The following NAALADL2 variants were observed in gnomAD, a reference collection of about 807,000 sequenced individuals.
The protein encoded by NAALADL2 is inactive N-acetylated-alpha-linked acidic dipeptidase-like protein 2.
NAALADL2 carries 76 observed loss-of-function variants against 87.2 expected under a neutral mutation model. The ratio of observed to expected loss-of-function variants is 0.87; its 90% CI spans 0.72 to 1.05. NAALADL2 has a LOEUF of 1.05. NAALADL2 is among the 50% of genes least tolerant of loss of function. The pLI, the probability that NAALADL2 is intolerant of heterozygous loss-of-function variation, is 0.00. For synonymous variants in NAALADL2, 354 were observed against 331.0 expected (o/e 1.07, Z -0.75); for missense variants, 1,089 against 945.8 (o/e 1.15, Z -1.99).
intron 9 of NAALADL2, among the ~76,000 whole-genome samples, chr3:175,528,935 G>T (rs1454342094): frequency 6.6e-6 from 1 of 152,166 alleles, no homozygotes; most frequent in Non-Finnish European, 1.5e-5. Flanking sequence ...TAGTATTGAT[G>T]ACTACCTTCT....
intron 1 of NAALADL2, among the ~76,000 whole-genome samples, chr3:174,478,213 T>A (rs1717333417): frequency 6.6e-6 from 1 of 152,166 alleles, no homozygotes; most frequent in Admixed American, 6.6e-5. Context: ...CATATTTTGG[T>A]TGTATCTTCT....
intron 3 of NAALADL2, among the ~76,000 whole-genome samples, chr3:174,791,667 T>C (rs1717466240): frequency 6.6e-6 from 1 of 152,194 alleles, no homozygotes; most frequent in Non-Finnish European, 1.5e-5. Context: ...AATACTGTAT[T>C]AGGGTTTAGG....
intron 2 of NAALADL2, among the ~76,000 whole-genome samples, chr3:175,106,522 A>G (rs1473221509): frequency 6.6e-6 from 1 of 152,102 alleles, no homozygotes; most frequent in Admixed American, 6.6e-5. Context: ...AGGATCAGTC[A>G]GTTGTAGTAC....
chr3:174,512,809 A>G (rs896467093), intron 1 of NAALADL2, among the ~76,000 whole-genome samples: 1 of 151,968 alleles, frequency 6.6e-6, no homozygotes, highest in Non-Finnish European at 1.5e-5. Context: ...GTTCTTGTTC[A>G]TTGCCTGAAA....
intron 1 of NAALADL2, among the ~76,000 whole-genome samples, chr3:174,462,962 G>A (rs1331278562): frequency 1.3e-5 from 2 of 152,200 alleles, no homozygotes; most frequent in Non-Finnish European, 2.9e-5. Context: ...TGAGCAGTCT[G>A]TATATCTCTG....
intron 9 of NAALADL2, among the ~76,000 whole-genome samples, chr3:175,553,018 C>T (rs973262029): frequency 3.3e-5 from 5 of 151,998 alleles, no homozygotes; most frequent in African/African-American, 1.2e-4. Context: ...TTTAGATTTA[C>T]CCTTTACTTT....
chr3:175,466,588 C>T (rs777908252), intron 7 of NAALADL2, among the ~76,000 whole-genome samples: 38 of 152,032 alleles, frequency 2.5e-4, no homozygotes, highest in African/African-American at 8.0e-4. Context: ...ATATTTAAAG[C>T]GCCTTCTTAA....
chr3:175,337,521 G>A (rs1031975714), intron 5 of NAALADL2, among the ~76,000 whole-genome samples: 14 of 152,176 alleles, frequency 9.2e-5, no homozygotes, highest in Admixed American at 7.2e-4. Context: ...AGACTTGGGG[G>A]GGCCATGTGA....
intron 4 of NAALADL2, among the ~76,000 whole-genome samples, chr3:175,306,651 C>A (rs1226339252): frequency 1.3e-5 from 2 of 152,030 alleles, no homozygotes; most frequent in Non-Finnish European, 2.9e-5. Flanking sequence ...CATGGTGAAA[C>A]CCCATCTTTG....
At chr3:174,737,798 C>CT (rs1220746577) in intron 3 of NAALADL2, 3 of 152,140 alleles carry the variant, frequency 2.0e-5, no homozygotes, top group Admixed American at 1.3e-4. Context: ...CTTGAATCAA[C>CT]TTTTAATAAG....
intron 3 of NAALADL2, among the ~76,000 whole-genome samples, chr3:174,773,957 T>C (rs1317891760): frequency 6.6e-6 from 1 of 152,124 alleles, no homozygotes; most frequent in Admixed American, 6.6e-5. Flanking sequence ...TCAGTTTCTA[T>C]TTCCCCTCTA....
At chr3:174,831,321 T>G (rs1471888519) in intron 3 of NAALADL2, among the ~76,000 whole-genome samples, 4 of 146,458 alleles carry the variant, frequency 2.7e-5, no homozygotes, top group Admixed American at 1.3e-4. Flanking sequence ...GCATGAAGCG[T>G]TGTTGAATTT....
chr3:174,709,247 T>C (rs895553590), intron 2 of NAALADL2, among the ~76,000 whole-genome samples: 25 of 152,120 alleles, frequency 1.6e-4, no homozygotes, highest in African/African-American at 6.0e-4. Flanking sequence ...ATATTCATTA[T>C]AGTTGGTAGT....
At chr3:175,470,526 A>G (rs1462192377) in intron 8 of NAALADL2, among the ~76,000 whole-genome samples, 1 of 152,186 alleles carries the variant, frequency 6.6e-6, no homozygotes. Context: ...ATAGGATGAC[A>G]TTATCTATTT....
chr3:175,134,960 G>C (rs9838112), intron 2 of NAALADL2, among the ~76,000 whole-genome samples: 4 of 152,208 alleles, frequency 2.6e-5, no homozygotes, highest in African/African-American at 9.6e-5. Context: ...TATCCACATA[G>C]AGTGAAAACA....
intron 1 of NAALADL2, among the ~76,000 whole-genome samples, chr3:174,521,097 T>C (rs1198046118): frequency 6.6e-6 from 1 of 152,172 alleles, no homozygotes; most frequent in African/African-American, 2.4e-5. Context: ...TGCAAAACAG[T>C]GTGGAGATGT....
chr3:174,794,919 A>C (rs1717898937), intron 3 of NAALADL2, among the ~76,000 whole-genome samples: 1 of 151,612 alleles, frequency 6.6e-6, no homozygotes, highest in African/African-American at 2.4e-5. Flanking sequence ...TGCAAAAGAC[A>C]AATCAAGTTT....
chr3:175,133,456 C>A (rs1728548672), intron 2 of NAALADL2, among the ~76,000 whole-genome samples: 1 of 152,226 alleles, frequency 6.6e-6, no homozygotes, highest in African/African-American at 2.4e-5. Context: ...GAACCAGACT[C>A]CGTCTGCAAT....
At chr3:175,181,678 C>CATATATATATATATATATATATATAT (rs140291952) in intron 2 of NAALADL2, among the ~76,000 whole-genome samples, 3 of 51,902 alleles carry the variant, frequency 5.8e-5, no homozygotes, top group Non-Finnish European at 8.1e-5. Flanking sequence ...ATTCCATTGG[C>CATATATATATATATATATATATATAT]ATATATATAT....
Sources: gnomAD v4.1 joint callset for allele counts (sites outside exome capture counted in the v4.1 genomes callset) on GRCh38, gnomAD v4.1.1 for gene constraint, MANE v1.5 for transcripts, NCBI Gene and HGNC (gene_info 2026-07-23, HGNC 2026-07-21) for gene names.